ADD3: variants seen among roughly 807,000 people sequenced by gnomAD.
The protein encoded by ADD3 is gamma-adducin.
ADD3 carries 25 observed loss-of-function variants against 80.2 expected under a neutral mutation model. The ratio of observed to expected loss-of-function variants is 0.31; its 90% CI spans 0.23 to 0.44. The LOEUF is 0.44. Among genes scored for constraint, ADD3 ranks in the 20% least tolerant of loss-of-function variants. The pLI is 1.00. For synonymous variants in ADD3, 284 were observed against 289.6 expected (o/e 0.98, Z 0.20); for missense variants, 829 against 847.5 (o/e 0.98, Z 0.27).
At chr10:110,034,473 T>A (rs996178049) in intron 1 of ADD3, among the ~76,000 whole-genome samples, 1 of 151,708 alleles carries the variant, frequency 6.6e-6, no homozygotes, top group Non-Finnish European at 1.5e-5. Context: ...AAATAAAATA[T>A]AATTATTTTA....
chr10:110,013,588 A>G (rs995149919), intron 1 of ADD3, among the ~76,000 whole-genome samples: 1 of 152,248 alleles, frequency 6.6e-6, no homozygotes, highest in African/African-American at 2.4e-5. Flanking sequence ...TAGTGAAACA[A>G]TAAAATAACA....
At chr10:110,100,989 G>A in intron 2 of ADD3, 141 bp downstream of exon 2, 1 of 660,278 alleles carries the variant, frequency 1.5e-6, no homozygotes, top group Non-Finnish European at 2.4e-6. Context: ...TCTTTCAAAG[G>A]AGAAATGGAC....
At chr10:110,003,521 T>C (rs1352270965), upstream of ADD3, among the ~76,000 whole-genome samples, 1 of 152,248 alleles carries the variant, frequency 6.6e-6, no homozygotes, top group Non-Finnish European at 1.5e-5. Context: ...TTATCTCATT[T>C]GAACTTCACT....
chr10:110,083,532 TAGA>T (rs532587026), intron 1 of ADD3, among the ~76,000 whole-genome samples: 89 of 150,258 alleles, frequency 5.9e-4, no homozygotes, highest in African/African-American at 1.9e-3. Flanking sequence ...AAAAAGAAAA[TAGA>T]AGAAGAAGTA....
intron 1 of ADD3, among the ~76,000 whole-genome samples, chr10:110,038,337 T>C (rs1471432383): frequency 6.6e-6 from 1 of 152,212 alleles, no homozygotes; most frequent in Non-Finnish European, 1.5e-5. Context: ...CTGCCCTGCA[T>C]CTTGGATCTT....
chr10:110,066,065 A>C (rs905827387), intron 1 of ADD3, among the ~76,000 whole-genome samples: 1 of 152,058 alleles, frequency 6.6e-6, no homozygotes, highest in Non-Finnish European at 1.5e-5. Context: ...ACTTAATTTA[A>C]GGGTCTTGAA....
At chr10:110,022,161 G>C (rs1853754295) in intron 1 of ADD3, among the ~76,000 whole-genome samples, 1 of 151,970 alleles carries the variant, frequency 6.6e-6, no homozygotes, top group Admixed American at 6.6e-5. Flanking sequence ...ACTTGATTTT[G>C]TCAGGGATGA....
At chr10:110,090,619 C>T (rs888753464) in intron 1 of ADD3, among the ~76,000 whole-genome samples, 2 of 152,158 alleles carry the variant, frequency 1.3e-5, no homozygotes, top group Non-Finnish European at 2.9e-5. Context: ...TGTACAATCA[C>T]AAGGAGACTC....
intron 1 of ADD3, among the ~76,000 whole-genome samples, chr10:110,011,678 C>CT (rs1471340142): frequency 6.6e-6 from 1 of 152,078 alleles, no homozygotes; most frequent in African/African-American, 2.4e-5. Flanking sequence ...GCTATTCTTC[C>CT]TTTTAAACGT....
At chr10:110,069,998 G>T (rs1844468510) in intron 1 of ADD3, among the ~76,000 whole-genome samples, 1 of 152,074 alleles carries the variant, frequency 6.6e-6, no homozygotes, top group African/African-American at 2.4e-5. Context: ...TTTTGTATTA[G>T]TTGTAATCTG....
intron 1 of ADD3, among the ~76,000 whole-genome samples, chr10:110,020,433 A>G (rs1163771302): frequency 6.6e-6 from 1 of 152,210 alleles, no homozygotes; most frequent in Non-Finnish European, 1.5e-5. Context: ...AAGTCCTCAC[A>G]GAGAAGGTGA....
At chr10:110,125,479 CT>C (rs942622172) in intron 10 of ADD3, among the ~76,000 whole-genome samples, 3 of 149,908 alleles carry the variant, frequency 2.0e-5, no homozygotes, top group African/African-American at 7.4e-5. Flanking sequence ...TGACTGCTGT[CT>C]TCAGTGCAGA....
chr10:110,030,623 A>G (rs950727607), intron 1 of ADD3, among the ~76,000 whole-genome samples: 9 of 151,542 alleles, frequency 5.9e-5, no homozygotes, highest in African/African-American at 2.2e-4. Flanking sequence ...AGTTCCACTG[A>G]CATTATGGTA....
intron 1 of ADD3, among the ~76,000 whole-genome samples, chr10:110,052,793 A>G (rs1394599561): frequency 1.3e-5 from 2 of 152,246 alleles, no homozygotes; most frequent in Non-Finnish European, 2.9e-5. Context: ...TAGGAAAGTC[A>G]GTGACTCAAA....
Position 110,000,180 on chromosome 10 carries a change from A to G in ADD3, n.79+3734A>G, listed in dbSNP as rs577386982. ...GGTGATCCGCCCACCTTGGCCTCCC[A>G]AAGTGTTGGGATTATAGGCGTGAGC... On this transcript the variant is annotated intron_variant and non_coding_transcript_variant, in intron 1 of 5. Coordinates refer to the ADD3 transcript ENST00000468251. Among the ~76,000 whole-genome samples the G allele has an allele frequency of 3.7e-3, 569 of 152,332 alleles. 6 individuals are homozygous for G. Among genetic ancestry groups the G allele is most frequent in the African/African-American group, 0.012 (506 of 41,578 alleles).
chr10:110,065,486 CTG>C (rs1369887666), intron 1 of ADD3, among the ~76,000 whole-genome samples: 5 of 15,138 alleles, frequency 3.3e-4, no homozygotes, highest in Non-Finnish European at 1.5e-3. Context: ...CTGTCTCTGT[CTG>C]TCTCTCTCTC....
chr10:110,036,414 C>T (rs1462424881), intron 1 of ADD3, among the ~76,000 whole-genome samples: 1 of 127,198 alleles, frequency 7.9e-6, no homozygotes, highest in East Asian at 2.6e-4. Context: ...GAGTCTTGCT[C>T]TGTCGCCCGG....
intron 5 of ADD3, 140 bp downstream of exon 5, chr10:110,117,562 A>G (rs751928611): frequency 1.7e-6 from 1 of 588,294 alleles, no homozygotes; most frequent in South Asian, 2.3e-5. Context: ...AATTTGAACT[A>G]TGTTGTTTTA....
chr10:110,133,242 T>C (rs1053322028), intron 14 of ADD3, 84 bp from the exon 15 acceptor site: 22 of 1,368,634 alleles, frequency 1.6e-5, no homozygotes, highest in Middle Eastern at 2.0e-4. Flanking sequence ...CCTTATTACA[T>C]TGCTAAAACA....
Sources: allele counts gnomAD v4.1 joint callset (sites outside exome capture counted in the v4.1 genomes callset), GRCh38; gene constraint gnomAD v4.1.1; transcripts MANE v1.5; gene names NCBI Gene and HGNC (gene_info 2026-07-23, HGNC 2026-07-21).